Variants in WWOX observed in about 807,000 individuals in gnomAD.
WWOX encodes WW domain containing oxidoreductase.
A neutral mutation model predicts 46.2 loss-of-function variants in WWOX; 69 were observed. That is an observed-to-expected ratio of 1.49 (90% CI 1.23 to 1.82). The LOEUF is 1.82. Among genes scored for constraint, WWOX ranks in the 40% most tolerant of loss-of-function variants. WWOX has a pLI of 0.00. For missense variants in WWOX, 919 were observed against 542.6 expected, an observed-to-expected ratio of 1.69 and a Z score of -6.89; for synonymous variants, 359 against 202.6, an observed-to-expected ratio of 1.77 and a Z score of -6.56.
At chr16:78,174,394 C>T (rs570761538) in intron 5 of WWOX, among the ~76,000 whole-genome samples, 15 of 152,186 alleles carry the variant, frequency 9.9e-5, no homozygotes, top group African/African-American at 2.4e-4. Context: ...TACCTCCCCC[C>T]GGGTCCCTCC....
At chr16:78,103,432 T>C (rs1383827353) in intron 1 of WWOX, among the ~76,000 whole-genome samples, 2 of 152,060 alleles carry the variant, frequency 1.3e-5, no homozygotes, top group Non-Finnish European at 2.9e-5. Flanking sequence ...ATGCCAGGGC[T>C]TGGCTGGCTC....
intron 5 of WWOX, among the ~76,000 whole-genome samples, chr16:78,359,833 G>C (rs778925411): frequency 1.3e-5 from 2 of 152,148 alleles, no homozygotes; most frequent in Admixed American, 6.5e-5. Context: ...AAGACTTCCT[G>C]GGAGAGGTGA....
At chr16:78,865,160 A>G (rs540848571) in intron 8 of WWOX, among the ~76,000 whole-genome samples, 117 of 152,300 alleles carry the variant, frequency 7.7e-4, no homozygotes, top group African/African-American at 2.7e-3. Flanking sequence ...CGTACATTTT[A>G]AAGTGCTAAA....
At chr16:78,671,329 A>G (rs913654435) in intron 8 of WWOX, among the ~76,000 whole-genome samples, 2 of 152,150 alleles carry the variant, frequency 1.3e-5, no homozygotes, top group Non-Finnish European at 2.9e-5. Flanking sequence ...GGAGGCTGGG[A>G]TGGAAGCATC....
At chr16:78,445,590 T>C (rs555778857) in intron 8 of WWOX, among the ~76,000 whole-genome samples, 2 of 152,276 alleles carry the variant, frequency 1.3e-5, no homozygotes, top group African/African-American at 2.4e-5. Flanking sequence ...AGAAATAATA[T>C]GATCACCTTC....
At chr16:78,930,448 ATTTTTTTTT>A (rs71140847) in intron 8 of WWOX, among the ~76,000 whole-genome samples, 8 of 106,576 alleles carry the variant, frequency 7.5e-5, no homozygotes, top group African/African-American at 2.6e-4. Context: ...CAGCTAGCTA[ATTTTTTTTT>A]TTTTTTTTTT....
intron 6 of WWOX, among the ~76,000 whole-genome samples, chr16:78,399,719 G>C (rs1397302991): frequency 6.6e-6 from 1 of 152,142 alleles, no homozygotes; most frequent in Admixed American, 6.5e-5. Context: ...TCCCAACTTG[G>C]CCCATGAATC....
intron 8 of WWOX, among the ~76,000 whole-genome samples, chr16:78,443,254 G>C (rs895733200): frequency 3.3e-5 from 5 of 149,748 alleles, no homozygotes; most frequent in Non-Finnish European, 5.9e-5. Flanking sequence ...GCAGTGAGCT[G>C]ACATCGCATC....
intron 6 of WWOX, among the ~76,000 whole-genome samples, chr16:78,408,434 C>T (rs948886365): frequency 6.6e-6 from 1 of 152,180 alleles, no homozygotes; most frequent in Non-Finnish European, 1.5e-5. Flanking sequence ...CACATTCCCT[C>T]TCCACTGAGA....
At chr16:78,670,959 G>T (rs1418668416) in intron 8 of WWOX, among the ~76,000 whole-genome samples, 4 of 151,942 alleles carry the variant, frequency 2.6e-5, no homozygotes, top group African/African-American at 9.7e-5. Context: ...TGCCAAGACA[G>T]AAGTAAAGAT....
At chr16:78,415,735 C>T (rs768086269) in intron 6 of WWOX, among the ~76,000 whole-genome samples, 3 of 152,102 alleles carry the variant, frequency 2.0e-5, no homozygotes, top group Non-Finnish European at 4.4e-5. Flanking sequence ...GTAGGAAGTG[C>T]CACCTCACTC....
intron 6 of WWOX, among the ~76,000 whole-genome samples, chr16:78,417,716 G>C (rs1296816369): frequency 1.3e-5 from 2 of 152,106 alleles, no homozygotes; most frequent in East Asian, 1.9e-4. Context: ...ATTTGAAGCA[G>C]AGTCTAATGA....
rs777646543 is a variant in WWOX, at chr16:78,131,885, G to A, written c.409+16731G>A. Among the ~76,000 whole-genome samples, 142 of 148,980 alleles carry A rather than the reference G, an allele frequency of 9.5e-4. 1 individual carries two copies. The highest frequency in any genetic ancestry group is 1.6e-3 in the Non-Finnish European group (107 of 66,924). ...AGGCGTGAGCCACCGCGCCTGGCAA[G>A]GATTTTTTTTTTTTCATACTTGAGG... On this transcript the variant is annotated intron_variant, in intron 4 of 8. Coordinates refer to ENST00000566780, the MANE Select transcript of WWOX (RefSeq NM_016373.4).
At chr16:78,656,577 A>G (rs746016300) in intron 8 of WWOX, among the ~76,000 whole-genome samples, 3 of 152,002 alleles carry the variant, frequency 2.0e-5, no homozygotes, top group Non-Finnish European at 4.4e-5. Flanking sequence ...TCTGGTGAGA[A>G]CTCACTCACT....
At chr16:78,744,473 C>T (rs1244746692) in intron 8 of WWOX, among the ~76,000 whole-genome samples, 1 of 143,506 alleles carries the variant, frequency 7.0e-6, no homozygotes, top group African/African-American at 2.7e-5. Flanking sequence ...TGTCTCTCAC[C>T]CAGGCTGGAG....
intron 8 of WWOX, among the ~76,000 whole-genome samples, chr16:78,819,424 C>T (rs1257267456): frequency 1.3e-5 from 2 of 152,244 alleles, no homozygotes; most frequent in African/African-American, 4.8e-5. Context: ...CTAGAAGTTA[C>T]TGCCCCTTTC....
At chr16:79,055,299 T>A (rs11645695) in intron 8 of WWOX, among the ~76,000 whole-genome samples, 61,456 of 152,124 alleles carry the variant, frequency 0.4, 13,981 homozygotes, top group Non-Finnish European at 0.5. Context: ...GTGATAAAGA[T>A]GAATATCAAT....
At chr16:78,935,303 A>T (rs1432761963) in intron 8 of WWOX, among the ~76,000 whole-genome samples, 1 of 152,192 alleles carries the variant, frequency 6.6e-6, no homozygotes, top group Non-Finnish European at 1.5e-5. Context: ...ACACATGCAC[A>T]TGTATGTTTA....
At chr16:78,641,688 C>A (rs945211424) in intron 8 of WWOX, among the ~76,000 whole-genome samples, 39 of 152,266 alleles carry the variant, frequency 2.6e-4, no homozygotes, top group African/African-American at 9.1e-4. Context: ...GCCAGTGACT[C>A]CGGGAATGCC....
Sources: allele counts gnomAD v4.1 joint callset (sites outside exome capture counted in the v4.1 genomes callset), GRCh38; gene constraint gnomAD v4.1.1; transcripts MANE v1.5; gene names NCBI Gene and HGNC (gene_info 2026-07-23, HGNC 2026-07-21).